The following LMCD1 variants were observed in gnomAD, a reference collection of about 807,000 sequenced individuals.
The protein encoded by LMCD1 is LIM and cysteine-rich domains protein 1.
Under a neutral mutation model 42.7 loss-of-function variants are expected in LMCD1, and 32 were observed. The observed-to-expected ratio is 0.75, with a 90% CI of 0.57 to 1.01. The LOEUF is 1.01. Among genes scored for constraint, LMCD1 ranks in the 50% least tolerant of loss-of-function variants. LMCD1 has a pLI of 0.00. For synonymous variants in LMCD1, 178 were observed against 184.9 expected, an observed-to-expected ratio of 0.96 and a Z score of 0.30; for missense variants, 458 against 483.1, an observed-to-expected ratio of 0.95 and a Z score of 0.49.
At chr3:8,551,366 A>T in intron 4 of LMCD1, 1 of 984,270 alleles carries the variant, frequency 1.0e-6, no homozygotes, top group Non-Finnish European at 1.2e-6. Context: ...CACATTTATT[A>T]AGCCCCTGCT....
intron 1 of LMCD1, among the ~76,000 whole-genome samples, chr3:8,518,742 A>G (rs1574950454): frequency 1.3e-5 from 2 of 152,182 alleles, no homozygotes; most frequent in Admixed American, 6.5e-5. Flanking sequence ...CTATGAGTAG[A>G]TTCTAAGAAG....
At chr3:8,544,325 G>T (rs1431600848) in intron 3 of LMCD1, among the ~76,000 whole-genome samples, 1 of 152,134 alleles carries the variant, frequency 6.6e-6, no homozygotes, top group East Asian at 1.9e-4. Flanking sequence ...CTGACTTCCA[G>T]ACACTCCACC....
At chr3:8,502,721 G>C (rs558489345) in intron 1 of LMCD1, among the ~76,000 whole-genome samples, 3 of 152,010 alleles carry the variant, frequency 2.0e-5, no homozygotes, top group East Asian at 3.9e-4. Flanking sequence ...CTGGCCCGGA[G>C]CCCAGAAGGT....
At chr3:8,506,216 G>C (rs557410596) in intron 1 of LMCD1, among the ~76,000 whole-genome samples, 1 of 152,146 alleles carries the variant, frequency 6.6e-6, no homozygotes, top group African/African-American at 2.4e-5. Flanking sequence ...AGCTTCATCA[G>C]ATTATCTTCA....
intron 2 of LMCD1, among the ~76,000 whole-genome samples, chr3:8,533,433 A>G (rs1254767959): frequency 6.6e-6 from 1 of 152,124 alleles, no homozygotes; most frequent in African/African-American, 2.4e-5. Flanking sequence ...GTCAGCATCT[A>G]TGTGGATGGC....
intron 4 of LMCD1, among the ~76,000 whole-genome samples, chr3:8,552,281 A>G (rs1396347483): frequency 2.0e-5 from 3 of 152,152 alleles, no homozygotes; most frequent in Non-Finnish European, 2.9e-5. Context: ...AATCAAGTCT[A>G]TGTTCTTTCC....
At chr3:8,543,460 T>G (rs62242270) in intron 3 of LMCD1, among the ~76,000 whole-genome samples, 8 of 149,422 alleles carry the variant, frequency 5.4e-5, no homozygotes, top group Non-Finnish European at 1.0e-4. Context: ...GACAGAGAGA[T>G]AGACAGACAG....
In LMCD1 at chr3:8,573,466, G is replaced by C. The variant is rs1239504875; in HGVS notation, c.*5868G>C. On this transcript the variant is annotated 3_prime_UTR_variant, in exon 6 of 6. Coordinates refer to ENST00000157600, the MANE Select transcript of LMCD1 (RefSeq NM_014583.4). ...ACAAGCAATAGTGACATGAGCACTT[G>C]ACTCGCTGGGTTATCAGGCTTTGGC... The C allele has an allele frequency of 6.6e-6, 1 of 152,186 alleles. No homozygotes were observed. Among genetic ancestry groups the C allele is most frequent in the Non-Finnish European group, 1.5e-5 (1 of 68,038 alleles). The allele number at this position is 152,186 out of a possible 1,614,324, so 9.4% of individuals were successfully genotyped here.
intron 2 of LMCD1, among the ~76,000 whole-genome samples, chr3:8,533,543 A>G (rs1377698028): frequency 6.6e-6 from 1 of 152,136 alleles, no homozygotes. Flanking sequence ...AAGAGTTTTT[A>G]TCACCACTGC....
Position 8,567,610 on chromosome 3 carries a change from C to T in LMCD1, c.*12C>T. The T allele has an allele frequency of 1.9e-6, 3 of 1,609,082 alleles. No homozygotes were observed. The South Asian group carries it at 3.3e-5, about 18-fold the overall frequency. ...CCAAACGCTCCTGAAGGGCTGCCCA[C>T]CCACAGCCAGAATCCACAGGATCCC... is the stretch of plus-strand genomic sequence containing the variant. On this transcript the variant is annotated 3_prime_UTR_variant, in exon 6 of 6. Transcript: ENST00000157600.
intron 1 of LMCD1, among the ~76,000 whole-genome samples, chr3:8,502,312 A>AAATATAT (rs1693748087): frequency 5.1e-5 from 1 of 19,684 alleles, no homozygotes; most frequent in African/African-American, 2.6e-4. Context: ...ATAATATATA[A>AAATATAT]AATATATATT....
chr3:8,553,238 C>T (rs922184870), intron 4 of LMCD1, among the ~76,000 whole-genome samples: 6 of 152,138 alleles, frequency 3.9e-5, no homozygotes, highest in African/African-American at 1.2e-4. Flanking sequence ...TGAGCTCCCT[C>T]GGCTCCCTCC....
At chr3:8,551,152 C>T (rs928797820) in intron 4 of LMCD1, 3 of 985,360 alleles carry the variant, frequency 3.0e-6, no homozygotes, top group Non-Finnish European at 3.6e-6. Flanking sequence ...CACAATTTTA[C>T]TTTAATTATT....
chr3:8,561,312 CAA>C (rs940603737), intron 4 of LMCD1, among the ~76,000 whole-genome samples: 18 of 150,100 alleles, frequency 1.2e-4, no homozygotes, highest in African/African-American at 4.2e-4. Flanking sequence ...CTTTATGTAA[CAA>C]GAGAGAAAAC....
chr3:8,562,572 A>G lies in LMCD1; in HGVS notation c.724-2860A>G, dbSNP rs537698789. ...ATGAGTGCATTTCCTGTGTACCTACATCTCCTATCCAGAGGATTGCTGTGA... is the reference window on the plus strand; with the variant it reads ...ATGAGTGCATTTCCTGTGTACCTACGTCTCCTATCCAGAGGATTGCTGTGA... On this transcript the variant is annotated intron_variant, in intron 4 of 5. Coordinates refer to ENST00000157600, the MANE Select transcript of LMCD1 (RefSeq NM_014583.4). 4.7e-4 allele frequency among the ~76,000 whole-genome samples: 71 copies of G among 152,196 alleles called. No individual in the cohort carries two copies. The South Asian group carries it at 0.015, about 31-fold the overall frequency.
intron 1 of LMCD1, among the ~76,000 whole-genome samples, chr3:8,507,164 G>A (rs931685): frequency 0.46 from 70,365 of 152,068 alleles, 16,957 homozygotes; most frequent in Non-Finnish European, 0.52. Flanking sequence ...TTAAATCCAC[G>A]TGGAACAATT....
intron 1 of LMCD1, among the ~76,000 whole-genome samples, chr3:8,529,503 G>A (rs529704676): frequency 6.6e-6 from 1 of 152,262 alleles, no homozygotes; most frequent in African/African-American, 2.4e-5. Flanking sequence ...TGACTGCATG[G>A]GCTTTCTTTG....
At chr3:8,513,234 A>C (rs1176033945) in intron 1 of LMCD1, among the ~76,000 whole-genome samples, 2 of 152,220 alleles carry the variant, frequency 1.3e-5, no homozygotes, top group Admixed American at 1.3e-4. Context: ...CATATTGGTC[A>C]GGATGAAGGT....
At chr3:8,533,335 C>T (rs747268706) in intron 2 of LMCD1, among the ~76,000 whole-genome samples, 1 of 152,126 alleles carries the variant, frequency 6.6e-6, no homozygotes, top group African/African-American at 2.4e-5. Context: ...GAGTTGGATT[C>T]GCAGAGGTTT....
Sources: gnomAD v4.1 joint callset for allele counts (sites outside exome capture counted in the v4.1 genomes callset) on GRCh38, gnomAD v4.1.1 for gene constraint, MANE v1.5 for transcripts, NCBI Gene and HGNC (gene_info 2026-07-23, HGNC 2026-07-21) for gene names.